The following AGMO variants were observed in gnomAD, a reference collection of about 807,000 sequenced individuals.
The protein encoded by AGMO is alkylglycerol monooxygenase, also known as glyceryl-ether monooxygenase.
AGMO carries 75 observed loss-of-function variants against 60.2 expected under a neutral mutation model. The ratio of observed to expected loss-of-function variants is 1.25; its 90% CI spans 1.03 to 1.51. The LOEUF is 1.51. AGMO is among the 40% of genes most tolerant of loss of function. AGMO has a pLI of 0.00. For missense variants in AGMO, 763 were observed against 525.5 expected, an observed-to-expected ratio of 1.45 and a Z score of -4.42; for synonymous variants, 261 against 177.1, an observed-to-expected ratio of 1.47 and a Z score of -3.76.
intron 3 of AGMO, among the ~76,000 whole-genome samples, chr7:15,544,383 A>G (rs1784715840): frequency 6.6e-6 from 1 of 152,104 alleles, no homozygotes; most frequent in Non-Finnish European, 1.5e-5. Context: ...AAAATTAAAC[A>G]CAAACAAAAA....
intron 12 of AGMO, among the ~76,000 whole-genome samples, chr7:15,275,315 G>C (rs930497701): frequency 6.6e-6 from 1 of 151,988 alleles, no homozygotes; most frequent in African/African-American, 2.4e-5. Context: ...ATTCAATCAA[G>C]AGCAAGTTAT....
chr7:15,150,448 G>C, the AGMO span, among the ~76,000 whole-genome samples: 1 of 152,134 alleles, frequency 6.6e-6, no homozygotes, highest in African/African-American at 2.4e-5. Context: ...TTTTGTCATA[G>C]ATGGCTCTTA....
chr7:15,187,861 A>G, the AGMO span, among the ~76,000 whole-genome samples: 1 of 150,370 alleles, frequency 6.7e-6, no homozygotes, highest in African/African-American at 2.5e-5. Flanking sequence ...GTTACTCCCC[A>G]TTAGGATCTC....
intron 12 of AGMO, among the ~76,000 whole-genome samples, chr7:15,309,830 C>G (rs534233262): frequency 6.6e-6 from 1 of 152,230 alleles, no homozygotes; most frequent in Non-Finnish European, 1.5e-5. Context: ...ATTTAATAAA[C>G]ATTGTTCCCC....
At chr7:15,267,798 T>C (rs1460572308) in intron 12 of AGMO, among the ~76,000 whole-genome samples, 2 of 151,976 alleles carry the variant, frequency 1.3e-5, no homozygotes, top group African/African-American at 4.8e-5. Flanking sequence ...GTTAACACTT[T>C]AGGTCTTGTT....
chr7:15,447,077 G>T (rs964217932), intron 3 of AGMO, among the ~76,000 whole-genome samples: 7 of 152,180 alleles, frequency 4.6e-5, no homozygotes, highest in African/African-American at 1.7e-4. Context: ...GTAGCTGAAA[G>T]GTTAGATAAA....
intron 3 of AGMO, among the ~76,000 whole-genome samples, chr7:15,473,026 A>C (rs991874449): frequency 1.3e-5 from 2 of 151,984 alleles, no homozygotes; most frequent in Non-Finnish European, 2.9e-5. Flanking sequence ...ATATCAAGAA[A>C]TATCAACAAT....
intron 6 of AGMO, 129 bp downstream of exon 6, chr7:15,393,984 G>C: frequency 2.5e-6 from 1 of 394,360 alleles, no homozygotes; most frequent in Non-Finnish European, 4.1e-6. Flanking sequence ...TAGAAAAGAA[G>C]AAACTATTAT....
rs112393143 is a variant in AGMO, at chr7:15,354,341, C to CGTGTGTATATAG, written c.1263+11172_1263+11173insCTATATACACAC. Among the ~76,000 whole-genome samples, 24 of 34,062 alleles carry CGTGTGTATATAG rather than the reference C, an allele frequency of 7.0e-4. 4 individuals are homozygous for CGTGTGTATATAG. The highest frequency in any genetic ancestry group is 5.5e-4 in the African/African-American group (4 of 7,222). 22.3% of individuals were successfully genotyped at this position (34,062 alleles called of 152,430 possible). ...GTGTATATACGTACGCGTGTATATA[C>CGTGTGTATATAG]ACGCGTGTATATAGACGTGTGTATA... On this transcript the variant is annotated intron_variant, in intron 12 of 12. Coordinates refer to ENST00000342526, the MANE Select transcript of AGMO (RefSeq NM_001004320.2).
At chr7:15,298,298 T>A (rs147258130) in intron 12 of AGMO, among the ~76,000 whole-genome samples, 1 of 152,188 alleles carries the variant, frequency 6.6e-6, no homozygotes, top group Admixed American at 6.6e-5. Context: ...TTCTCCCGTC[T>A]TAATCATTTG....
the AGMO span, among the ~76,000 whole-genome samples, chr7:15,142,788 A>G: frequency 1.3e-5 from 2 of 152,216 alleles, no homozygotes; most frequent in African/African-American, 2.4e-5. Context: ...AAAAGACAGA[A>G]GAGATCACCT....
chr7:15,290,783 T>C (rs1218563004), intron 12 of AGMO, among the ~76,000 whole-genome samples: 1 of 152,140 alleles, frequency 6.6e-6, no homozygotes, highest in Non-Finnish European at 1.5e-5. Context: ...CAAACTTTCG[T>C]GATGATTTTA....
chr7:15,518,758 T>A (rs1193440281), intron 3 of AGMO, among the ~76,000 whole-genome samples: 1 of 151,742 alleles, frequency 6.6e-6, no homozygotes, highest in Non-Finnish European at 1.5e-5. Flanking sequence ...ATGCCTCTTC[T>A]CCTCCAAAGT....
At chr7:15,458,323 A>G (rs961706438) in intron 3 of AGMO, among the ~76,000 whole-genome samples, 1 of 152,114 alleles carries the variant, frequency 6.6e-6, no homozygotes, top group Non-Finnish European at 1.5e-5. Context: ...GGTATATAAA[A>G]ACAATATTGT....
intron 3 of AGMO, among the ~76,000 whole-genome samples, chr7:15,542,548 A>G (rs1784657281): frequency 6.6e-6 from 1 of 152,168 alleles, no homozygotes; most frequent in African/African-American, 2.4e-5. Flanking sequence ...TTTCCCAAAT[A>G]AACACATCCG....
chr7:15,205,602 T>C (rs902505062), intron 12 of AGMO, among the ~76,000 whole-genome samples: 20 of 152,144 alleles, frequency 1.3e-4, no homozygotes, highest in Non-Finnish European at 5.9e-5. Context: ...AGTCACTTAC[T>C]CTACTTTGTA....
chr7:15,555,308 C>T (rs868073575), intron 2 of AGMO, among the ~76,000 whole-genome samples: 3,968 of 141,620 alleles, frequency 0.028, 167 homozygotes, highest in African/African-American at 0.094. Flanking sequence ...CACACACACA[C>T]ACACACACAC....
intron 5 of AGMO, among the ~76,000 whole-genome samples, chr7:15,402,554 A>G (rs1456660794): frequency 6.7e-6 from 1 of 149,088 alleles, no homozygotes; most frequent in Non-Finnish European, 1.5e-5. Flanking sequence ...GAAGGGCACA[A>G]ATCTTATGTA....
intron 3 of AGMO, among the ~76,000 whole-genome samples, chr7:15,500,928 TC>T (rs1373843752): frequency 6.7e-6 from 1 of 149,760 alleles, no homozygotes; most frequent in African/African-American, 2.4e-5. Context: ...TTGATTTTTG[TC>T]CCCTTAACTT....
Sources: gnomAD v4.1 joint callset for allele counts (sites outside exome capture counted in the v4.1 genomes callset) on GRCh38, gnomAD v4.1.1 for gene constraint, MANE v1.5 for transcripts, NCBI Gene and HGNC (gene_info 2026-07-23, HGNC 2026-07-21) for gene names.